Variants in DPP10 observed in about 807,000 individuals in gnomAD.
The protein encoded by DPP10 is inactive dipeptidyl peptidase 10.
DPP10 carries 33 observed loss-of-function variants against 120.9 expected under a neutral mutation model. The observed-to-expected ratio is 0.27, with a 90% CI of 0.21 to 0.37. The LOEUF is 0.37. Among genes scored for constraint, DPP10 ranks in the 10% least tolerant of loss-of-function variants. The pLI is 1.00. For synonymous variants in DPP10, 337 were observed against 326.1 expected (o/e 1.03, Z -0.36); for missense variants, 816 against 942.8 (o/e 0.87, Z 1.76).
At chr2:115,288,725 A>G (rs1051728566) in intron 1 of DPP10, among the ~76,000 whole-genome samples, 3 of 152,058 alleles carry the variant, frequency 2.0e-5, no homozygotes, top group African/African-American at 7.2e-5. Flanking sequence ...GCCTCAAAAC[A>G]AAAAGAAAAG....
At chr2:115,304,424 GA>G (rs2061276371) in intron 1 of DPP10, among the ~76,000 whole-genome samples, 1 of 152,004 alleles carries the variant, frequency 6.6e-6, no homozygotes, top group Non-Finnish European at 1.5e-5. Flanking sequence ...TTTTCACACG[GA>G]AATACAGATA....
intron 3 of DPP10, among the ~76,000 whole-genome samples, chr2:115,498,591 G>A (rs1275824309): frequency 1.3e-5 from 2 of 151,322 alleles, no homozygotes; most frequent in African/African-American, 2.4e-5. Flanking sequence ...AGCAAGAAAA[G>A]GCTAGAATTG....
intron 5 of DPP10, among the ~76,000 whole-genome samples, chr2:115,602,951 G>A (rs1335016038): frequency 6.6e-6 from 1 of 151,908 alleles, no homozygotes; most frequent in Non-Finnish European, 1.5e-5. Flanking sequence ...TAAATTTAAG[G>A]GAACTGAAAA....
At chr2:114,637,067 G>A (rs988245761) in intron 1 of DPP10, among the ~76,000 whole-genome samples, 4 of 151,870 alleles carry the variant, frequency 2.6e-5, no homozygotes, top group African/African-American at 9.7e-5. Context: ...ACTTTTTGAA[G>A]AACATTGTTT....
chr2:114,883,092 T>C (rs1691779691), intron 1 of DPP10, among the ~76,000 whole-genome samples: 1 of 152,194 alleles, frequency 6.6e-6, no homozygotes, highest in Non-Finnish European at 1.5e-5. Context: ...AATCACACAA[T>C]TGCTTATTGA....
chr2:114,628,682 TGACTCTTC>T (rs1694691077), intron 1 of DPP10, among the ~76,000 whole-genome samples: 1 of 152,082 alleles, frequency 6.6e-6, no homozygotes, highest in Admixed American at 6.6e-5. Context: ...AACTGCACAC[TGACTCTTC>T]AAGTATCTGA....
intron 4 of DPP10, among the ~76,000 whole-genome samples, chr2:115,500,167 C>T (rs566464436): frequency 6.6e-6 from 1 of 151,866 alleles, no homozygotes; most frequent in Non-Finnish European, 1.5e-5. Context: ...CAGACTTTGT[C>T]TTTCTGAAAA....
chr2:115,070,983 T>C (rs1707318666), intron 1 of DPP10, among the ~76,000 whole-genome samples: 1 of 152,202 alleles, frequency 6.6e-6, no homozygotes, highest in Non-Finnish European at 1.5e-5. Flanking sequence ...CTTCTAAGTA[T>C]TTTGAATATT....
At chr2:114,602,776 T>C (rs900743496) in intron 1 of DPP10, among the ~76,000 whole-genome samples, 1 of 152,086 alleles carries the variant, frequency 6.6e-6, no homozygotes. Context: ...AGTCCCTATG[T>C]GCCTGGGAAA....
At chr2:115,234,945 T>G (rs571240916) in intron 1 of DPP10, among the ~76,000 whole-genome samples, 80 of 152,180 alleles carry the variant, frequency 5.3e-4, no homozygotes, top group Admixed American at 1.0e-3. Context: ...TGGGACCTCC[T>G]TGCTGCCTTG....
At chr2:115,433,583 A>G (rs1325356472) in intron 3 of DPP10, among the ~76,000 whole-genome samples, 1 of 151,794 alleles carries the variant, frequency 6.6e-6, no homozygotes, top group Admixed American at 6.6e-5. Flanking sequence ...TTTTTTTTCT[A>G]GTTAGAATTC....
chr2:114,614,479 T>A (rs1436553096), intron 1 of DPP10, among the ~76,000 whole-genome samples: 1 of 152,180 alleles, frequency 6.6e-6, no homozygotes, highest in Non-Finnish European at 1.5e-5. Context: ...AGCTCCCTTA[T>A]GAATCTATCC....
intron 1 of DPP10, among the ~76,000 whole-genome samples, chr2:114,965,233 T>C (rs539121638): frequency 6.6e-6 from 1 of 152,026 alleles, no homozygotes; most frequent in East Asian, 1.9e-4. Context: ...GCCTCCCGGG[T>C]TCAAGTGATT....
chr2:115,459,356 C>T (rs1339937055), intron 3 of DPP10, among the ~76,000 whole-genome samples: 1 of 151,952 alleles, frequency 6.6e-6, no homozygotes, highest in Non-Finnish European at 1.5e-5. Context: ...GTAGTTTCAC[C>T]ACATTGGCCA....
At chr2:115,160,115 G>T (rs958033602) in intron 1 of DPP10, among the ~76,000 whole-genome samples, 22 of 152,154 alleles carry the variant, frequency 1.4e-4, no homozygotes, top group African/African-American at 4.8e-4. Context: ...TGGATAAGCT[G>T]CCCAATAGCT....
At chr2:115,619,677 G>A (rs2084801704) in intron 5 of DPP10, among the ~76,000 whole-genome samples, 1 of 152,060 alleles carries the variant, frequency 6.6e-6, no homozygotes, top group Admixed American at 6.5e-5. Context: ...GGTTTTTTCT[G>A]ACCCAGGCAT....
At chr2:115,354,142 A>T (rs948516469) in intron 3 of DPP10, among the ~76,000 whole-genome samples, 9 of 152,130 alleles carry the variant, frequency 5.9e-5, no homozygotes, top group Non-Finnish European at 1.2e-4. Flanking sequence ...TTCATTTTTT[A>T]AAAAAATGTA....
chr2:115,356,145 G>A (rs1421530942), intron 3 of DPP10, among the ~76,000 whole-genome samples: 3 of 152,082 alleles, frequency 2.0e-5, no homozygotes, highest in African/African-American at 7.2e-5. Context: ...ATTACTTTGG[G>A]CAATATGGCC....
intron 1 of DPP10, chr2:115,144,197 C>G (rs993378943): frequency 2.0e-5 from 3 of 152,156 alleles, no homozygotes; most frequent in African/African-American, 7.2e-5. Flanking sequence ...AAACTTGGAA[C>G]CGAAGCATTA....
Sources: gnomAD v4.1 joint callset for allele counts (sites outside exome capture counted in the v4.1 genomes callset) on GRCh38, gnomAD v4.1.1 for gene constraint, MANE v1.5 for transcripts, NCBI Gene and HGNC (gene_info 2026-07-23, HGNC 2026-07-21) for gene names.